Variants in LAMA5 observed in about 807,000 individuals in gnomAD.
LAMA5 encodes the protein laminin subunit alpha 5.
Under a neutral mutation model 433.4 loss-of-function variants are expected in LAMA5, and 260 were observed. That is an observed-to-expected ratio of 0.60 (90% CI 0.54 to 0.66). The LOEUF (loss-of-function observed/expected upper bound fraction) is 0.66. LAMA5 is among the 30% of genes least tolerant of loss of function. The probability of loss-of-function intolerance (pLI) is 0.00; values close to 1 mark genes in which losing one functional copy is unlikely to be tolerated. For missense variants in LAMA5, 5,378 were observed against 5,258.5 expected, an observed-to-expected ratio of 1.02 and a Z score of -0.70; for synonymous variants, 2,620 against 2,226.6, an observed-to-expected ratio of 1.18 and a Z score of -4.97.
chr20:62,352,320 C>G lies in LAMA5; in HGVS notation c.609G>C (p.Thr203=). The G allele has an allele frequency of 6.3e-7, 1 of 1,599,888 alleles. No individual in the cohort carries two copies. Among genetic ancestry groups the G allele is most frequent in the Non-Finnish European group, 8.5e-7 (1 of 1,179,722 alleles). The change falls in exon 4 of 80, where the codon ACG becomes ACC. Residue 203 remains threonine (T), a synonymous_variant. Transcript: ENST00000252999. The stretch of plus-strand genomic sequence containing the variant: ...CGTCGTCCCGTGTGATGCGCTCCAG[C>G]GTCTGTGGCCCGAACCGCTCCAGAC... The part of the protein sequence containing the change: ...RDCLERFGPQ[T]LERITRDDAA...
In LAMA5 at chr20:62,354,926, C is replaced by T. The variant is rs560696643; in HGVS notation, c.451-1675G>A. Among the ~76,000 whole-genome samples the T allele has an allele frequency of 3.0e-4, 45 of 152,302 alleles. 1 individual carries two copies. The South Asian group carries it at 5.2e-3, about 18-fold the overall frequency. ...ACCTGGCAGGGAGGCGGAGGAAACACGAACCTCTCCCCCGCCTGTGCGAGG... is the reference window on the plus strand; with the variant it reads ...ACCTGGCAGGGAGGCGGAGGAAACATGAACCTCTCCCCCGCCTGTGCGAGG... On this transcript the variant is annotated intron_variant, in intron 2 of 79. Coordinates refer to ENST00000252999, the MANE Select transcript of LAMA5 (RefSeq NM_005560.6).
rs1436899971 is a variant in LAMA5, at chr20:62,327,624, A to G, written c.4843T>C (p.Phe1615Leu). Residue 1615 changes from phenylalanine to leucine, a missense_variant, in exon 37 of 80, where the codon TTC becomes CTC. Physicochemically the swap from Phe to Leu is conservative, Grantham distance 22 (BLOSUM62 0). Coordinates refer to ENST00000252999, the MANE Select transcript of LAMA5 (RefSeq NM_005560.6). ...PKCDQCSLGT[F>L]SLDAANPKGC... ...TTGGGGTTGGCAGCATCCAGTGAGA[A>G]GGTCCCAAGGCTGCACTGGTCACAT... is the stretch of plus-strand genomic sequence containing the variant. 1.9e-6 allele frequency: 3 copies of G among 1,613,196 alleles called. No individual in the cohort carries two copies. Among genetic ancestry groups the G allele is most frequent in the Admixed American group, 3.3e-5 (2 of 60,012 alleles).
intron 26 of LAMA5, 56 bp downstream of exon 26, chr20:62,333,034 C>A: frequency 7.0e-7 from 1 of 1,421,398 alleles, no homozygotes; most frequent in Non-Finnish European, 9.2e-7. Flanking sequence ...GGACCCCCAG[C>A]CCCCAGGCCA....
intron 46 of LAMA5, 38 bp downstream of exon 46, chr20:62,322,620 G>GGGGGCC: frequency 1.0e-5 from 14 of 1,398,948 alleles, no homozygotes; most frequent in African/African-American, 1.4e-5. Flanking sequence ...TAGTCCCTAG[G>GGGGGCC]CCCCACCCAC....
chr20:62,316,260 C>T, intron 57 of LAMA5: 1 of 594,986 alleles, frequency 1.7e-6, no homozygotes, highest in Admixed American at 3.0e-5. Flanking sequence ...GCCTCTGGTC[C>T]CACTGCAGGC....
intron 41 of LAMA5, 76 bp downstream of exon 41, chr20:62,325,240 G>C (rs909968092): frequency 1.7e-4 from 162 of 966,570 alleles, no homozygotes; most frequent in Admixed American, 5.7e-5. Flanking sequence ...GCAAGGAAGG[G>C]AACACAGGGA....
chr20:62,358,971 C>A (rs919558936), intron 2 of LAMA5, among the ~76,000 whole-genome samples: 1 of 152,142 alleles, frequency 6.6e-6, no homozygotes, highest in South Asian at 2.1e-4. Flanking sequence ...CGCCCCCAAC[C>A]AATACTTCTA....
chr20:62,352,643 G>T (rs1053671590), intron 3 of LAMA5, among the ~76,000 whole-genome samples: 1 of 151,536 alleles, frequency 6.6e-6, no homozygotes. Context: ...TCACTGACCC[G>T]CCCCTCCCCC....
chr20:62,350,500 T>C lies in LAMA5; in HGVS notation c.956+1204A>G, dbSNP rs577716312. Among the ~76,000 whole-genome samples the C allele has an allele frequency of 3.3e-5, 5 of 152,248 alleles. No individual in the cohort carries two copies. The South Asian group carries it at 8.3e-4, about 25-fold the overall frequency. ...AGAATGGGAGTGAACCTTTGTCCTGTCTGAGCTCCACCCGCCTCCCCACCT... is the reference window on the plus strand; with the variant it reads ...AGAATGGGAGTGAACCTTTGTCCTGCCTGAGCTCCACCCGCCTCCCCACCT... On this transcript the variant is annotated intron_variant, in intron 6 of 79. Transcript: ENST00000252999.
Position 62,310,488 on chromosome 20 carries a change from T to C in LAMA5, c.10531A>G (p.Thr3511Ala). 1 of 1,577,150 alleles carries C rather than the reference T, an allele frequency of 6.3e-7. No homozygotes were observed. The stretch of plus-strand genomic sequence containing the variant: ...TCCAGGGGGCCCAAGATGCAGGGTG[T>C]GACCCCTGCCATCCGTGTGGGGGCC... Reference protein sequence around the residue: ...LGAPTRMAGVTPCILGPLEAG... With the variant: ...LGAPTRMAGVAPCILGPLEAG... Residue 3511 changes from threonine to alanine, a missense_variant, in exon 76 of 80, where the codon ACA becomes GCA. Transcript: ENST00000252999.
At position 62,309,397 on chromosome 20, in the gene LAMA5, G is replaced by A; in HGVS notation, c.11027C>T (p.Ala3676Val). Residue 3676 changes from alanine (A) to valine (V), a missense_variant, in exon 80 of 80, where the codon GCC becomes GTC. Coordinates refer to ENST00000252999, the MANE Select transcript of LAMA5 (RefSeq NM_005560.6). ...GTGGACCTCCACAGAGCGAGTCATG[G>A]CGACGGGGGACCGGTTCACCGCCAG... ...RRLAVNRSPV[A>V]MTRSVEVHGA... 1.9e-6 allele frequency: 3 copies of A among 1,588,678 alleles called. No homozygotes were observed. Among genetic ancestry groups the A allele is most frequent in the Non-Finnish European group, 1.7e-6 (2 of 1,175,874 alleles).
Position 62,313,254 on chromosome 20 carries a change from C to G in LAMA5, c.8793-4G>C. On this transcript the variant is annotated splice_region_variant and splice_polypyrimidine_tract_variant and intron_variant, in intron 64 of 79. Transcript: ENST00000252999. Reference sequence around the variant, plus strand: ...CGGGTCCCCGGTCGACTTGGAGCTGCAGGTCGGAGATTCTGGGGTCAGCGG... The same window carrying G: ...CGGGTCCCCGGTCGACTTGGAGCTGGAGGTCGGAGATTCTGGGGTCAGCGG... 1 of 1,250,054 alleles carries G rather than the reference C, an allele frequency of 8.0e-7. No individual in the cohort carries two copies. The allele number at this position is 1,250,054 out of a possible 1,614,324, so 77.4% of individuals were successfully genotyped here.
chr20:62,318,933 C>T lies in LAMA5; in HGVS notation c.6952G>A (p.Glu2318Lys), dbSNP rs370006512. ...ATCTCCCAGAGCAGCCGCTCCACCTCGGCCAGTGTCCGGAGCAGCTGCTCA... is the reference window on the plus strand; with the variant it reads ...ATCTCCCAGAGCAGCCGCTCCACCTTGGCCAGTGTCCGGAGCAGCTGCTCA... ...SGEQLLRTLA[E>K]VERLLWEMRA... Residue 2318 changes from glutamate (E) to lysine (K), a missense_variant, in exon 52 of 80, where the codon GAG (glutamate) becomes AAG (lysine). By Grantham distance (56) the Glu-to-Lys change is moderately conservative. Transcript: ENST00000252999. 502 of 1,599,962 alleles carry T rather than the reference C, an allele frequency of 3.1e-4. 1 individual carries two copies. The highest frequency in any genetic ancestry group is 3.6e-4 in the Non-Finnish European group (419 of 1,175,598).
In LAMA5 at chr20:62,362,535, G is replaced by A. The variant is rs750482937; in HGVS notation, c.315C>T (p.Ile105=). The change falls in exon 2 of 80, where the codon ATC becomes ATT. Residue 105 remains isoleucine, a synonymous_variant. Transcript: ENST00000252999. ...NQTIRGQYCD[I]CTAANSNKAH... ...CCTTGTTGCTGTTGGCAGCCGTGCA[G>A]ATGTCACAGTACTGGCCCTGCAGAG... The A allele has an allele frequency of 2.5e-6, 4 of 1,596,564 alleles. No individual in the cohort carries two copies. Among genetic ancestry groups the A allele is most frequent in the South Asian group, 1.1e-5 (1 of 89,150 alleles).
At chr20:62,348,323 G>A (rs1343742306) in intron 6 of LAMA5, among the ~76,000 whole-genome samples, 1 of 152,198 alleles carries the variant, frequency 6.6e-6, no homozygotes, top group Non-Finnish European at 1.5e-5. Flanking sequence ...CTAAAACATA[G>A]GCCGGGCGCA....
chr20:62,362,300 T>C, intron 2 of LAMA5, 100 bp downstream of exon 2: 2 of 1,213,198 alleles, frequency 1.6e-6, no homozygotes, highest in Non-Finnish European at 2.1e-6. Flanking sequence ...CAGGTCTCGC[T>C]CACGGTGGAG....
At chr20:62,322,620 G>GGGC in intron 46 of LAMA5, 38 bp downstream of exon 46, 4 of 1,399,000 alleles carry the variant, frequency 2.9e-6, no homozygotes, top group Non-Finnish European at 2.9e-6. Flanking sequence ...TAGTCCCTAG[G>GGGC]CCCCACCCAC....
chr20:62,350,542 C>T (rs935032073), intron 6 of LAMA5, among the ~76,000 whole-genome samples: 2 of 152,326 alleles, frequency 1.3e-5, no homozygotes, highest in Middle Eastern at 3.4e-3. Context: ...TAAACTGGAG[C>T]GTGGACAGAG....
In LAMA5 at chr20:62,311,793, C is replaced by G; in HGVS notation, c.9636-9G>C. 6.4e-7 allele frequency: 1 copy of G among 1,554,066 alleles called. No individual in the cohort carries two copies. Among genetic ancestry groups the G allele is most frequent in the Non-Finnish European group, 8.7e-7 (1 of 1,150,704 alleles). ...CGACATACAGCCAGACTCTGGGGGGCGGGAGGCCGGAGGCTCGGTTTTTCC... is the reference window on the plus strand; with the variant it reads ...CGACATACAGCCAGACTCTGGGGGGGGGGAGGCCGGAGGCTCGGTTTTTCC... On this transcript the variant is annotated splice_polypyrimidine_tract_variant and intron_variant, in intron 70 of 79. Coordinates refer to ENST00000252999, the MANE Select transcript of LAMA5 (RefSeq NM_005560.6).
Sources: gnomAD v4.1 joint callset for allele counts (sites outside exome capture counted in the v4.1 genomes callset) on GRCh38, gnomAD v4.1.1 for gene constraint, MANE v1.5 for transcripts, NCBI Gene and HGNC (gene_info 2026-07-23, HGNC 2026-07-21) for gene names.